RSF1: variants seen among roughly 807,000 people sequenced by gnomAD.
RSF1 encodes HBV pX-associated protein 8.
A neutral mutation model predicts 145.2 loss-of-function variants in RSF1; 13 were observed. The observed-to-expected ratio is 0.09, with a 90% CI of 0.06 to 0.14. RSF1 has a LOEUF of 0.14. Ranked by LOEUF, RSF1 falls within the 10% of genes least tolerant of loss-of-function variation. The pLI, the probability that RSF1 is intolerant of heterozygous loss-of-function variation, is 1.00. For missense variants in RSF1, 1,517 were observed against 1,718.2 expected, an observed-to-expected ratio of 0.88 and a Z score of 2.07; for synonymous variants, 577 against 592.6, an observed-to-expected ratio of 0.97 and a Z score of 0.38.
chr11:77,841,073 T>A, the RSF1 span: 1 of 637,656 alleles, frequency 1.6e-6, no homozygotes. Context: ...GAGAGCCTTC[T>A]TGCTGCATCA....
the RSF1 span, among the ~76,000 whole-genome samples, chr11:77,850,206 G>A: frequency 3.3e-5 from 5 of 152,184 alleles, no homozygotes; most frequent in South Asian, 6.2e-4. Flanking sequence ...AGTGATTACA[G>A]AATGGAAACG....
intron 4 of RSF1, 77 bp downstream of exon 4, chr11:77,740,654 G>C: frequency 1.5e-6 from 2 of 1,366,942 alleles, no homozygotes; most frequent in African/African-American, 1.4e-5. Flanking sequence ...CTGTCTGATA[G>C]ATAACATCCT....
At chr11:77,781,065 T>C (rs563392621) in intron 1 of RSF1, among the ~76,000 whole-genome samples, 5 of 152,166 alleles carry the variant, frequency 3.3e-5, no homozygotes, top group African/African-American at 9.6e-5. Context: ...TTATAAAAAT[T>C]TGGTCATCCA....
chr11:77,788,567 G>C (rs1273061474), intron 1 of RSF1, among the ~76,000 whole-genome samples: 3 of 147,218 alleles, frequency 2.0e-5, no homozygotes, highest in African/African-American at 7.5e-5. Flanking sequence ...TGATACAGAG[G>C]AAAAAAAACT....
intron 2 of RSF1, among the ~76,000 whole-genome samples, chr11:77,757,102 T>C (rs1452493357): frequency 6.6e-6 from 1 of 151,900 alleles, no homozygotes; most frequent in Non-Finnish European, 1.5e-5. Flanking sequence ...ATGAATGAGG[T>C]TTTAGTGGAT....
At chr11:77,737,621 G>GGGTGGGTGTGT in intron 4 of RSF1, among the ~76,000 whole-genome samples, 1 of 93,548 alleles carries the variant, frequency 1.1e-5, no homozygotes, top group Admixed American at 1.2e-4. Context: ...TGTTTTGGGG[G>GGGTGGGTGTGT]GTGTGTGTGT....
chr11:77,675,328 C>A, intron 13 of RSF1, 72 bp from the exon 14 acceptor site: 1 of 1,219,216 alleles, frequency 8.2e-7, no homozygotes, highest in South Asian at 1.5e-5. Context: ...GTTCTGAGTT[C>A]AAATTCTGGT....
chr11:77,804,245 C>T (rs2135981063), intron 1 of RSF1, among the ~76,000 whole-genome samples: 1 of 152,262 alleles, frequency 6.6e-6, no homozygotes, highest in African/African-American at 2.4e-5. Flanking sequence ...TATGTTGTAT[C>T]CTTTATAATA....
At chr11:77,735,209 G>A (rs889735743) in intron 4 of RSF1, among the ~76,000 whole-genome samples, 5 of 152,184 alleles carry the variant, frequency 3.3e-5, no homozygotes, top group East Asian at 1.9e-4. Context: ...AGGAAACCCC[G>A]ACGACTCTCG....
At chr11:77,779,114 T>C (rs1948377396) in intron 1 of RSF1, among the ~76,000 whole-genome samples, 1 of 151,914 alleles carries the variant, frequency 6.6e-6, no homozygotes, top group Non-Finnish European at 1.5e-5. Context: ...CAGCTAATTT[T>C]TGTATTTTTC....
intron 5 of RSF1, among the ~76,000 whole-genome samples, chr11:77,710,202 C>A (rs1960646280): frequency 6.6e-6 from 1 of 151,754 alleles, no homozygotes; most frequent in African/African-American, 2.4e-5. Flanking sequence ...ATATGGCACA[C>A]AAAATGATGT....
intron 14 of RSF1, 103 bp from the exon 15 acceptor site, chr11:77,672,333 A>G: frequency 1.1e-6 from 1 of 921,618 alleles, no homozygotes; most frequent in Non-Finnish European, 1.6e-6. Context: ...TCAGTCATAA[A>G]TATTTTTAAG....
intron 15 of RSF1, among the ~76,000 whole-genome samples, chr11:77,670,336 C>G (rs1427128444): frequency 2.0e-5 from 3 of 151,466 alleles, no homozygotes; most frequent in African/African-American, 4.8e-5. Context: ...TATCATTCTT[C>G]TTTTAGATAA....
the RSF1 span, among the ~76,000 whole-genome samples, chr11:77,839,722 G>A: frequency 6.6e-6 from 1 of 152,124 alleles, no homozygotes; most frequent in Admixed American, 6.6e-5. Flanking sequence ...CACAGGAACA[G>A]AAAACTGAAC....
chr11:77,779,924 T>C (rs1178260279), intron 1 of RSF1, among the ~76,000 whole-genome samples: 1 of 152,192 alleles, frequency 6.6e-6, no homozygotes, highest in Non-Finnish European at 1.5e-5. Flanking sequence ...GCTTAGCATG[T>C]ACAGTTCCCT....
At chr11:77,760,841 G>T (rs1160727002) in intron 2 of RSF1, among the ~76,000 whole-genome samples, 2 of 151,886 alleles carry the variant, frequency 1.3e-5, no homozygotes, top group Non-Finnish European at 2.9e-5. Flanking sequence ...TACTTTCAGG[G>T]TACATATGAA....
intron 14 of RSF1, among the ~76,000 whole-genome samples, chr11:77,673,195 A>G (rs1381974691): frequency 6.6e-6 from 1 of 152,194 alleles, no homozygotes; most frequent in East Asian, 1.9e-4. Context: ...TGTTCCACAT[A>G]AATACAGAAC....
intron 1 of RSF1, among the ~76,000 whole-genome samples, chr11:77,792,142 T>C (rs1307018182): frequency 6.6e-6 from 1 of 152,046 alleles, no homozygotes; most frequent in African/African-American, 2.4e-5. Context: ...ACTCACACAC[T>C]ATGTGGATGG....
intron 2 of RSF1, among the ~76,000 whole-genome samples, chr11:77,748,128 G>T (rs929487317): frequency 6.6e-6 from 1 of 151,530 alleles, no homozygotes; most frequent in African/African-American, 2.4e-5. Context: ...TCTTTTCATC[G>T]ATTTGTGCAA....
Sources: gnomAD v4.1 joint callset for allele counts (sites outside exome capture counted in the v4.1 genomes callset) on GRCh38, gnomAD v4.1.1 for gene constraint, MANE v1.5 for transcripts, NCBI Gene and HGNC (gene_info 2026-07-23, HGNC 2026-07-21) for gene names.